Variants in AKAP13 observed in about 807,000 individuals in gnomAD.
The protein encoded by AKAP13 is A-kinase anchor protein 13.
AKAP13 carries 80 observed loss-of-function variants against 264.5 expected under a neutral mutation model. The ratio of observed to expected loss-of-function variants is 0.30; its 90% confidence interval spans 0.25 to 0.36. The LOEUF (loss-of-function observed/expected upper bound fraction) is 0.36. Ranked by LOEUF, AKAP13 falls within the 10% of genes least tolerant of loss-of-function variation. AKAP13 has a pLI of 1.00. For missense variants in AKAP13, 3,712 were observed against 3,435.2 expected (o/e 1.08, Z -2.01); for synonymous variants, 1,380 against 1,250.2 (o/e 1.10, Z -2.19).
At chr15:85,591,437 A>G (rs2079574986) in intron 8 of AKAP13, among the ~76,000 whole-genome samples, 1 of 152,182 alleles carries the variant, frequency 6.6e-6, no homozygotes, top group South Asian at 2.1e-4. Context: ...GTAAGCTGAT[A>G]TACTTTAAGT....
intron 19 of AKAP13, among the ~76,000 whole-genome samples, chr15:85,713,936 G>A (rs1216963107): frequency 6.6e-6 from 1 of 152,168 alleles, no homozygotes; most frequent in Non-Finnish European, 1.5e-5. Context: ...CTTTAGTCAT[G>A]TTAATGAGAA....
chr15:85,739,206 T>C (rs991011227), intron 33 of AKAP13, among the ~76,000 whole-genome samples: 2 of 152,236 alleles, frequency 1.3e-5, no homozygotes, highest in African/African-American at 4.8e-5. Context: ...TATGCCAAAA[T>C]GCTTTTGAAA....
intron 2 of AKAP13, 136 bp from the exon 3 acceptor site, chr15:85,521,292 C>T (rs2076815654): frequency 9.7e-7 from 1 of 1,029,644 alleles, no homozygotes; most frequent in Non-Finnish European, 1.4e-6. Context: ...AATCTTTATA[C>T]TTGTTTCAGC....
intron 9 of AKAP13, among the ~76,000 whole-genome samples, chr15:85,644,797 C>T (rs986121335): frequency 6.6e-6 from 1 of 151,370 alleles, no homozygotes; most frequent in Non-Finnish European, 1.5e-5. Flanking sequence ...ACCCAGGAGG[C>T]GGAAGTTGCA....
intron 26 of AKAP13, among the ~76,000 whole-genome samples, chr15:85,725,171 G>C (rs1440856494): frequency 6.6e-6 from 1 of 152,208 alleles, no homozygotes; most frequent in Non-Finnish European, 1.5e-5. Flanking sequence ...GCCAGCGGCA[G>C]AACGATAGGT....
chr15:85,740,787 A>G (rs894168452), intron 34 of AKAP13, among the ~76,000 whole-genome samples: 1 of 18,602 alleles, frequency 5.4e-5, no homozygotes. Context: ...CCCCCCCCCC[A>G]CCCCAGGTAA....
intron 1 of AKAP13, among the ~76,000 whole-genome samples, chr15:85,470,969 A>G (rs984307920): frequency 2.6e-5 from 4 of 152,164 alleles, no homozygotes; most frequent in African/African-American, 4.8e-5. Flanking sequence ...TTTTAAACAA[A>G]CATCTGGCAC....
intron 8 of AKAP13, among the ~76,000 whole-genome samples, chr15:85,634,816 C>G (rs921812994): frequency 2.0e-5 from 3 of 149,896 alleles, no homozygotes; most frequent in Admixed American, 6.7e-5. Context: ...TAGAACCATA[C>G]AATACATAGT....
intron 2 of AKAP13, among the ~76,000 whole-genome samples, chr15:85,511,583 T>TA: frequency 6.6e-6 from 1 of 152,306 alleles, no homozygotes; most frequent in East Asian, 1.9e-4. Context: ...GCTTGAGGCT[T>TA]ACTATCTTCC....
intron 17 of AKAP13, among the ~76,000 whole-genome samples, chr15:85,703,547 G>C (rs1054462551): frequency 6.6e-6 from 1 of 152,146 alleles, no homozygotes; most frequent in African/African-American, 2.4e-5. Context: ...ATCCCCCAAA[G>C]ATTTTATTTA....
rs1047003587 is a variant in AKAP13 at position 85,684,792 on chromosome 15, T to C, written c.5208T>C (p.Asp1736=). ...TGCCACATAGCCCCTCCAAGAAAGATTCTGAATGGAAGAGTGGAACAAAAG... is the reference window on the plus strand; with the variant it reads ...TGCCACATAGCCCCTCCAAGAAAGACTCTGAATGGAAGAGTGGAACAAAAG... ...NFLPHSPSKK[D]SEWKSGTKVS... is the part of the protein sequence containing the mutation. Residue 1736 remains aspartate, a synonymous_variant, in exon 16 of 37, where the codon GAT becomes GAC. Transcript: ENST00000394518. The C allele has an allele frequency of 1.9e-6, 3 of 1,613,736 alleles. No individual in the cohort carries two copies. The African/African-American group carries it at 4.0e-5, about 22-fold the overall frequency.
At chr15:85,740,756 GACAC>G (rs1183607320) in intron 34 of AKAP13, among the ~76,000 whole-genome samples, 53 of 116,166 alleles carry the variant, frequency 4.6e-4, no homozygotes, top group African/African-American at 1.9e-3. Flanking sequence ...CACCCACACA[GACAC>G]ACACACACAC....
intron 14 of AKAP13, 110 bp from the exon 15 acceptor site, chr15:85,682,048 T>C: frequency 9.8e-7 from 1 of 1,018,280 alleles, no homozygotes. Context: ...ATGTGCTGAC[T>C]TTCACACGCT....
At chr15:85,582,995 C>T in intron 7 of AKAP13, 3 of 985,442 alleles carry the variant, frequency 3.0e-6, no homozygotes, top group Non-Finnish European at 3.6e-6. Context: ...AATAAACTAT[C>T]TGAATAAAAC....
intron 1 of AKAP13, among the ~76,000 whole-genome samples, chr15:85,436,535 C>A (rs2073304476): frequency 6.7e-6 from 1 of 150,078 alleles, no homozygotes; most frequent in Admixed American, 6.6e-5. Context: ...CACCACACCC[C>A]ACCTATTCCA....
intron 17 of AKAP13, 94 bp downstream of exon 17, chr15:85,693,545 T>A: frequency 6.5e-7 from 1 of 1,545,890 alleles, no homozygotes; most frequent in Non-Finnish European, 8.7e-7. Context: ...TATCTGTTCC[T>A]CATTTATGTG....
intron 1 of AKAP13, among the ~76,000 whole-genome samples, chr15:85,417,534 A>G (rs1301122221): frequency 6.6e-6 from 1 of 152,224 alleles, no homozygotes; most frequent in African/African-American, 2.4e-5. Context: ...TAGGAATGGA[A>G]ATGTTGCAAT....
intron 2 of AKAP13, among the ~76,000 whole-genome samples, chr15:85,505,235 A>G (rs2151102526): frequency 6.6e-6 from 1 of 152,346 alleles, no homozygotes; most frequent in Non-Finnish European, 1.5e-5. Context: ...TACTCCATAG[A>G]CACAGAACTT....
At chr15:85,569,925 A>G (rs2078750802) in intron 5 of AKAP13, among the ~76,000 whole-genome samples, 1 of 151,926 alleles carries the variant, frequency 6.6e-6, no homozygotes, top group African/African-American at 2.4e-5. Flanking sequence ...AAAATACCAA[A>G]AATTAGCCGG....
Sources: gnomAD v4.1 joint callset for allele counts (sites outside exome capture counted in the v4.1 genomes callset) on GRCh38, gnomAD v4.1.1 for gene constraint, MANE v1.5 for transcripts, NCBI Gene and HGNC (gene_info 2026-07-23, HGNC 2026-07-21) for gene names.